GOLGB1: variants seen among roughly 807,000 people sequenced by gnomAD.
GOLGB1 encodes the protein golgin B1.
Under a neutral mutation model 336.9 loss-of-function variants are expected in GOLGB1, and 174 were observed. That is an observed-to-expected ratio of 0.52 (90% CI 0.46 to 0.59). GOLGB1 has a LOEUF of 0.59. Ranked by LOEUF, GOLGB1 falls within the 20% of genes least tolerant of loss-of-function variation. The pLI is 0.00. For synonymous variants in GOLGB1, 1,208 were observed against 1,289.2 expected (o/e 0.94, Z 1.35); for missense variants, 3,331 against 3,645.3 (o/e 0.91, Z 2.22).
chr3:121,697,732 C>T lies in GOLGB1; in HGVS notation c.2791G>A (p.Val931Ile). The T allele has an allele frequency of 6.2e-7, 1 of 1,613,964 alleles. No homozygotes were observed. The highest frequency in any genetic ancestry group is 8.5e-7 in the Non-Finnish European group (1 of 1,179,940). Residue 931 changes from valine to isoleucine, a missense_variant, in exon 13 of 22, where the codon GTT becomes ATT. Val to Ile is a conservative substitution (Grantham distance 29, BLOSUM62 3). Transcript: ENST00000614479. ...QLNEEKFSLGVEIKTLKEQLN... is the reference protein window; with the variant it reads ...QLNEEKFSLGIEIKTLKEQLN... The stretch of plus-strand genomic sequence containing the variant: ...TGTTCTTTAAGAGTCTTAATTTCAA[C>T]CCCAAGAGAAAACTTCTCTTCATTA...
chr3:121,719,653 A>T lies in GOLGB1; in HGVS notation c.764T>A (p.Met255Lys), dbSNP rs753810618. The T allele has an allele frequency of 3.1e-6, 5 of 1,606,970 alleles. No homozygotes were observed. The highest frequency in any genetic ancestry group is 4.2e-6 in the Non-Finnish European group (5 of 1,176,802). ...LVTQADVETEMQQKLRVLQRK... is the reference protein window; with the variant it reads ...LVTQADVETEKQQKLRVLQRK... Reference sequence around the variant, plus strand: ...CGAGTTTTAGCAACACACCTGTTGCATCTCTGTTTCCACATCTGCCTGGGT... The same window carrying T: ...CGAGTTTTAGCAACACACCTGTTGCTTCTCTGTTTCCACATCTGCCTGGGT... The change falls in exon 7 of 22, where the codon ATG becomes AAG. Residue 255 changes from methionine to lysine, a missense_variant. By Grantham distance (95) the Met-to-Lys change is moderately conservative (BLOSUM62 -1). Transcript: ENST00000614479.
chr3:121,747,516 A>G (rs1947451385), intron 1 of GOLGB1, among the ~76,000 whole-genome samples: 1 of 150,982 alleles, frequency 6.6e-6, no homozygotes, highest in Non-Finnish European at 1.5e-5. Flanking sequence ...CAATGGGGAC[A>G]GGCTAAATAC....
At chr3:121,706,733 CA>C (rs1200925309) in intron 10 of GOLGB1, among the ~76,000 whole-genome samples, 7 of 16,158 alleles carry the variant, frequency 4.3e-4, no homozygotes, top group Non-Finnish European at 6.4e-4. Context: ...GACTCTGTCT[CA>C]AAAAAAAAAA....
rs1193916808 is a variant in GOLGB1 at position 121,727,145 on chromosome 3, A to G, written c.403-104T>C. 1.6e-5 allele frequency: 10 copies of G among 612,798 alleles called. No individual in the cohort carries two copies. In the Admixed American group the frequency reaches 4.0e-4, roughly 25 times the overall value. The allele number at this position is 612,798 out of a possible 1,614,324, so 38.0% of individuals were successfully genotyped here. On this transcript the variant is annotated intron_variant, in intron 4 of 21. Coordinates refer to ENST00000614479, the MANE Select transcript of GOLGB1 (RefSeq NM_001366282.2). ...TTTACAACCATTTAGTTATAATTTT[A>G]TTAAACTGATGGGAGCAAGAAAAAC...
At position 121,691,402 on chromosome 3, in the gene GOLGB1, G is replaced by A. The variant is rs906427871; in HGVS notation, c.7962C>T (p.Ser2654=). ...EEVHRLSALF[S]SSQKRIAELE... ...GTTCTGCAATTCTCTTTTGAGAGGA[G>A]GAAAACAAAGCACTTAACCTGTGTA... Residue 2654 remains serine (S), a synonymous_variant, in exon 14 of 22, where the codon TCC becomes TCT. Coordinates refer to ENST00000614479, the MANE Select transcript of GOLGB1 (RefSeq NM_001366282.2). The A allele has an allele frequency of 1.9e-6, 3 of 1,613,608 alleles. No homozygotes were observed. In the African/African-American group the frequency reaches 4.0e-5, roughly 22 times the overall value.
At chr3:121,721,588 G>T (rs893543601) in intron 6 of GOLGB1, among the ~76,000 whole-genome samples, 60 of 152,210 alleles carry the variant, frequency 3.9e-4, no homozygotes, top group South Asian at 1.4e-3. Context: ...AGCTATGATT[G>T]TACCACTTGT....
intron 19 of GOLGB1, 109 bp from the exon 20 acceptor site, chr3:121,667,719 C>G (rs533634164): frequency 2.2e-6 from 2 of 910,328 alleles, no homozygotes; most frequent in Non-Finnish European, 3.3e-6. Context: ...TCCATAGAAG[C>G]TTGTCTAAAC....
chr3:121,715,463 C>A (rs186158024), intron 9 of GOLGB1, among the ~76,000 whole-genome samples: 20 of 151,532 alleles, frequency 1.3e-4, no homozygotes, highest in Middle Eastern at 3.4e-3. Flanking sequence ...GTAATCCCCC[C>A]CACCTTGACC....
Position 121,691,273 on chromosome 3 carries a change from C to A in GOLGB1, c.8091G>T (p.Gly2697=), listed in dbSNP as rs936086470. The change falls in exon 14 of 22, where the codon GGG becomes GGT. Residue 2697 remains glycine (G), a synonymous_variant. Coordinates refer to ENST00000614479, the MANE Select transcript of GOLGB1 (RefSeq NM_001366282.2). ...CTGTTTCAGTTTCATTTCTCATTAT[C>A]CCTGCATCATGATGAAGATGCTTTA... The part of the protein sequence containing the change: ...KELKHLHHDA[G]IMRNETETAE... 4 of 1,613,348 alleles carry A rather than the reference C, an allele frequency of 2.5e-6. No homozygotes were observed. The highest frequency in any genetic ancestry group is 1.7e-5 in the Admixed American group (1 of 59,994).
intron 10 of GOLGB1, among the ~76,000 whole-genome samples, chr3:121,704,584 C>T (rs1401750862): frequency 1.3e-5 from 2 of 152,022 alleles, no homozygotes; most frequent in African/African-American, 2.4e-5. Flanking sequence ...TCAAGACCAG[C>T]TTGACCAACA....
intron 1 of GOLGB1, among the ~76,000 whole-genome samples, chr3:121,746,135 A>G (rs976756235): frequency 1.3e-5 from 2 of 152,218 alleles, no homozygotes; most frequent in African/African-American, 4.8e-5. Context: ...GTTAGGTTTC[A>G]GTTGAGGTGA....
At chr3:121,667,692 G>C (rs1384331883) in intron 19 of GOLGB1, 82 bp from the exon 20 acceptor site, 3 of 1,260,730 alleles carry the variant, frequency 2.4e-6, no homozygotes, top group Non-Finnish European at 3.4e-6. Context: ...TCTTCATAAG[G>C]TTGTAAAGCA....
At chr3:121,723,321 T>C (rs1945326103) in intron 5 of GOLGB1, among the ~76,000 whole-genome samples, 1 of 152,220 alleles carries the variant, frequency 6.6e-6, no homozygotes, top group Admixed American at 6.5e-5. Flanking sequence ...AACAAGTGTA[T>C]ATGCAGTTGG....
chr3:121,700,352 C>T (rs1943293839), intron 11 of GOLGB1, among the ~76,000 whole-genome samples: 1 of 151,910 alleles, frequency 6.6e-6, no homozygotes, highest in Non-Finnish European at 1.5e-5. Context: ...TATAAGGAAA[C>T]AAAGAAATGA....
intron 19 of GOLGB1, 60 bp downstream of exon 19, chr3:121,668,001 T>C: frequency 1.2e-6 from 1 of 828,498 alleles, no homozygotes. Context: ...TAAATCTAGA[T>C]TACTGCCCAA....
chr3:121,668,950 G>A (rs920681485), intron 18 of GOLGB1, among the ~76,000 whole-genome samples: 4 of 152,158 alleles, frequency 2.6e-5, no homozygotes, highest in Non-Finnish European at 5.9e-5. Flanking sequence ...CTCTGTTTCA[G>A]AGTACCAAAT....
At chr3:121,706,763 A>G (rs71329233) in intron 10 of GOLGB1, among the ~76,000 whole-genome samples, 1 of 146,834 alleles carries the variant, frequency 6.8e-6, no homozygotes, top group African/African-American at 2.5e-5. Context: ...AAAAAAACCA[A>G]CAAAGAAAAC....
intron 14 of GOLGB1, among the ~76,000 whole-genome samples, chr3:121,688,886 G>A (rs1942087817): frequency 6.8e-6 from 1 of 147,210 alleles, no homozygotes. Flanking sequence ...CCCCGTCTGA[G>A]AAGTGAGGAG....
chr3:121,677,061 C>T lies in GOLGB1; in HGVS notation c.9040-31G>A, dbSNP rs752256173. ...AGGACACAAACATTGATCAGATTCT[C>T]TCCTAAGATTGCGCATGCTTAATTC... On this transcript the variant is annotated intron_variant, in intron 16 of 21. Transcript: ENST00000614479. 6.8e-6 allele frequency: 11 copies of T among 1,613,268 alleles called. No individual in the cohort carries two copies. In the East Asian group the frequency reaches 8.9e-5, roughly 13 times the overall value.
Sources: gnomAD v4.1 joint callset for allele counts (sites outside exome capture counted in the v4.1 genomes callset) on GRCh38, gnomAD v4.1.1 for gene constraint, MANE v1.5 for transcripts, NCBI Gene and HGNC (gene_info 2026-07-23, HGNC 2026-07-21) for gene names.